ATP2B2: variants seen among roughly 807,000 people sequenced by gnomAD.
ATP2B2 encodes ATPase plasma membrane Ca2+ transporting 2.
In ATP2B2, 15 loss-of-function variants were observed where a neutral mutation model predicts 120.0. The observed-to-expected ratio is 0.12, with a 90% confidence interval of 0.08 to 0.19. The LOEUF (loss-of-function observed/expected upper bound fraction) is 0.19, where lower values mean the gene tolerates loss of function less well. ATP2B2 is among the 10% of genes least tolerant of loss of function. The pLI is 1.00. For synonymous variants in ATP2B2, 694 were observed against 700.3 expected (o/e 0.99, Z 0.14); for missense variants, 1,045 against 1,719.8 (o/e 0.61, Z 6.94).
intron 1 of ATP2B2, among the ~76,000 whole-genome samples, chr3:10,644,744 G>C (rs1450105185): frequency 6.6e-6 from 1 of 152,192 alleles, no homozygotes; most frequent in Non-Finnish European, 1.5e-5. Flanking sequence ...GCTGGAGGGA[G>C]AAGACATGGG....
At chr3:10,670,419 G>T (rs771967658) in intron 1 of ATP2B2, among the ~76,000 whole-genome samples, 16 of 151,572 alleles carry the variant, frequency 1.1e-4, no homozygotes, top group African/African-American at 2.4e-4. Context: ...TGGGTTTTTT[G>T]TTGTTGTTGT....
intron 14 of ATP2B2, 107 bp downstream of exon 14, chr3:10,358,584 G>C: frequency 9.3e-7 from 1 of 1,078,110 alleles, no homozygotes; most frequent in Non-Finnish European, 1.4e-6. Context: ...TGGGCATTAT[G>C]TGGAAACTGA....
At chr3:10,334,759 T>C (rs1235541311) in intron 22 of ATP2B2, among the ~76,000 whole-genome samples, 1 of 152,190 alleles carries the variant, frequency 6.6e-6, no homozygotes, top group Non-Finnish European at 1.5e-5. Context: ...CGCCTCCTAC[T>C]GGAGGCACTG....
In ATP2B2 at chr3:10,440,335, G is replaced by A. The variant is rs1575230325; in HGVS notation, c.199+9010C>T. 2.6e-5 allele frequency among the ~76,000 whole-genome samples: 4 copies of A among 152,130 alleles called. No homozygotes were observed. In the South Asian group the frequency reaches 8.3e-4, roughly 32 times the overall value. ...TGCACCTGGAGAAGGCTGTACTCAGGGCCTCATCTTATGGAGCTGGAGGCC... is the reference window on the plus strand; with the variant it reads ...TGCACCTGGAGAAGGCTGTACTCAGAGCCTCATCTTATGGAGCTGGAGGCC... On this transcript the variant is annotated intron_variant, in intron 2 of 22. Transcript: ENST00000360273.
At chr3:10,611,790 A>T (rs2125609382) in intron 2 of ATP2B2, among the ~76,000 whole-genome samples, 1 of 152,290 alleles carries the variant, frequency 6.6e-6, no homozygotes, top group East Asian at 1.9e-4. Flanking sequence ...GTAACGTTGG[A>T]CCAGTGACTC....
In ATP2B2 at chr3:10,579,845, C is replaced by CAAAACA. The variant is rs137955154; in HGVS notation, c.-415+40071_-415+40072insTGTTTT. ...CAAAACAAAACAAAACAAAACAAAA[C>CAAAACA]AAAGAAACAGACCCAGAAGGTGGGC... On this transcript the variant is annotated intron_variant, in intron 2 of 21. Transcript: ENST00000646379. Among the ~76,000 whole-genome samples, 1,503 of 150,606 alleles carry CAAAACA rather than the reference C, an allele frequency of 1.0e-2. 21 individuals are homozygous for CAAAACA. Among genetic ancestry groups the CAAAACA allele is most frequent in the Middle Eastern group, 0.024 (7 of 294 alleles).
chr3:10,472,080 CAAAAAAA>C (rs55895159), intron 1 of ATP2B2, among the ~76,000 whole-genome samples: 15 of 93,770 alleles, frequency 1.6e-4, no homozygotes, highest in Non-Finnish European at 2.3e-4. Flanking sequence ...GACTCCGTCT[CAAAAAAA>C]AAAAAAAAAA....
chr3:10,467,990 G>C (rs1189239622), intron 1 of ATP2B2, among the ~76,000 whole-genome samples: 6 of 152,208 alleles, frequency 3.9e-5, no homozygotes, highest in Non-Finnish European at 8.8e-5. Context: ...GGCCCGACCA[G>C]GATTTGCATT....
intron 2 of ATP2B2, among the ~76,000 whole-genome samples, chr3:10,559,721 T>C (rs542711323): frequency 1.3e-5 from 2 of 152,166 alleles, no homozygotes; most frequent in Non-Finnish European, 2.9e-5. Context: ...GCACAACTCA[T>C]TGGCTCCTCA....
chr3:10,427,089 C>T (rs960107837), intron 2 of ATP2B2, among the ~76,000 whole-genome samples: 6 of 152,240 alleles, frequency 3.9e-5, no homozygotes, highest in South Asian at 4.2e-4. Flanking sequence ...AACCCAAGGC[C>T]GCACATCTAA....
At chr3:10,472,128 G>A (rs900401475) in intron 1 of ATP2B2, among the ~76,000 whole-genome samples, 28 of 152,010 alleles carry the variant, frequency 1.8e-4, no homozygotes, top group Admixed American at 1.1e-3. Flanking sequence ...TAAGAAGGGA[G>A]GGAGAGGGAG....
At chr3:10,534,898 G>GTTTTT (rs59467255) in intron 2 of ATP2B2, among the ~76,000 whole-genome samples, 36 of 87,688 alleles carry the variant, frequency 4.1e-4, no homozygotes, top group Admixed American at 5.8e-4. Context: ...CATTTATTTG[G>GTTTTT]TTTTTTTTTT....
At chr3:10,512,676 G>A (rs1320649968) in intron 3 of ATP2B2, among the ~76,000 whole-genome samples, 1 of 152,206 alleles carries the variant, frequency 6.6e-6, no homozygotes, top group Non-Finnish European at 1.5e-5. Flanking sequence ...GAGGAGCAGA[G>A]GGGCTGCGGG....
At chr3:10,530,291 A>G (rs1161759453) in intron 3 of ATP2B2, among the ~76,000 whole-genome samples, 1 of 152,202 alleles carries the variant, frequency 6.6e-6, no homozygotes, top group Non-Finnish European at 1.5e-5. Flanking sequence ...CTTCCATCGA[A>G]TCCTTCCGAC....
chr3:10,454,007 C>T (rs1162793418), intron 1 of ATP2B2, among the ~76,000 whole-genome samples: 1 of 150,442 alleles, frequency 6.6e-6, no homozygotes. Flanking sequence ...CATTCATCCA[C>T]CCACCCACCA....
At chr3:10,546,676 C>T (rs927149321) in intron 2 of ATP2B2, among the ~76,000 whole-genome samples, 3 of 152,198 alleles carry the variant, frequency 2.0e-5, no homozygotes, top group African/African-American at 7.2e-5. Flanking sequence ...CCCAAAGTCC[C>T]ACCACCATAT....
intron 2 of ATP2B2, among the ~76,000 whole-genome samples, chr3:10,445,776 G>T (rs577346907): frequency 6.6e-6 from 1 of 152,202 alleles, no homozygotes; most frequent in Non-Finnish European, 1.5e-5. Context: ...CTCCCTACTC[G>T]TCAGCAGATT....
intron 1 of ATP2B2, among the ~76,000 whole-genome samples, chr3:10,646,675 C>T (rs2070329222): frequency 6.6e-6 from 1 of 152,122 alleles, no homozygotes; most frequent in African/African-American, 2.4e-5. Context: ...AGCGAGGAAG[C>T]AGAGTGCGTT....
At chr3:10,441,387 G>A (rs1368410604) in intron 2 of ATP2B2, among the ~76,000 whole-genome samples, 1 of 152,138 alleles carries the variant, frequency 6.6e-6, no homozygotes, top group Admixed American at 6.5e-5. Flanking sequence ...TTACAGGCGT[G>A]CGCCATCACA....
Sources: gnomAD v4.1 joint callset for allele counts (sites outside exome capture counted in the v4.1 genomes callset) on GRCh38, gnomAD v4.1.1 for gene constraint, MANE v1.5 for transcripts, NCBI Gene and HGNC (gene_info 2026-07-23, HGNC 2026-07-21) for gene names.